STAC: variants seen among roughly 807,000 people sequenced by gnomAD.
STAC encodes the protein SH3 and cysteine-rich domain-containing protein.
Under a neutral mutation model 48.8 loss-of-function variants are expected in STAC, and 43 were observed. The observed-to-expected ratio is 0.88, with a 90% CI of 0.69 to 1.14. The LOEUF (loss-of-function observed/expected upper bound fraction) is 1.14. Among genes scored for constraint, STAC ranks in the 50% most tolerant of loss-of-function variants. The pLI, the probability that STAC is intolerant of heterozygous loss-of-function variation, is 0.00. For missense variants in STAC, 497 were observed against 504.0 expected, an observed-to-expected ratio of 0.99 and a Z score of 0.13; for synonymous variants, 193 against 179.5, an observed-to-expected ratio of 1.07 and a Z score of -0.60.
At chr3:36,488,908 C>A (rs1697888742) in intron 5 of STAC, among the ~76,000 whole-genome samples, 1 of 152,106 alleles carries the variant, frequency 6.6e-6, no homozygotes, top group Admixed American at 6.5e-5. Flanking sequence ...CAACGATGCC[C>A]AAACTCTTAG....
At chr3:36,485,126 C>T (rs1697770209) in intron 4 of STAC, 68 bp downstream of exon 4, 1 of 1,348,378 alleles carries the variant, frequency 7.4e-7, no homozygotes, top group South Asian at 1.4e-5. Flanking sequence ...GGCTACTGTC[C>T]TCCCATGGCT....
At chr3:36,381,792 T>C (rs554851274) in intron 1 of STAC, among the ~76,000 whole-genome samples, 6 of 152,330 alleles carry the variant, frequency 3.9e-5, no homozygotes, top group African/African-American at 7.2e-5. Flanking sequence ...GGTGTGATAC[T>C]GGGCACTGTA....
At chr3:36,435,092 T>C (rs1466088490) in intron 1 of STAC, among the ~76,000 whole-genome samples, 1 of 152,198 alleles carries the variant, frequency 6.6e-6, no homozygotes, top group Non-Finnish European at 1.5e-5. Context: ...TTTTCTGTTT[T>C]CTCATCTGTA....
At chr3:36,449,643 A>C in intron 2 of STAC, among the ~76,000 whole-genome samples, 1 of 152,190 alleles carries the variant, frequency 6.6e-6, no homozygotes, top group Non-Finnish European at 1.5e-5. Context: ...ATTTTAAGAA[A>C]TCTCTCATTG....
intron 1 of STAC, among the ~76,000 whole-genome samples, chr3:36,420,932 A>G (rs980421818): frequency 5.3e-5 from 8 of 152,160 alleles, no homozygotes; most frequent in Non-Finnish European, 1.2e-4. Context: ...CATATTTCCC[A>G]TATTTCCCAA....
intron 1 of STAC, among the ~76,000 whole-genome samples, chr3:36,400,665 G>A (rs182795579): frequency 1.3e-5 from 2 of 152,284 alleles, no homozygotes; most frequent in East Asian, 3.9e-4. Context: ...GATCTGGTAG[G>A]TACTGGGAGA....
intron 8 of STAC, among the ~76,000 whole-genome samples, chr3:36,511,931 A>T (rs1299901737): frequency 6.6e-6 from 1 of 152,154 alleles, no homozygotes; most frequent in East Asian, 1.9e-4. Flanking sequence ...CTCATGGTGG[A>T]TATAATATCT....
intron 1 of STAC, among the ~76,000 whole-genome samples, chr3:36,440,413 G>A (rs191410046): frequency 6.6e-6 from 1 of 152,186 alleles, no homozygotes; most frequent in Non-Finnish European, 1.5e-5. Context: ...ACTCCCTTAT[G>A]CCTGCAGGAC....
chr3:36,407,561 C>A (rs1575179467), intron 1 of STAC, among the ~76,000 whole-genome samples: 1 of 152,174 alleles, frequency 6.6e-6, no homozygotes, highest in African/African-American at 2.4e-5. Flanking sequence ...CCAGAGGCAC[C>A]AGTCACTGCA....
chr3:36,398,708 AAG>A (rs766475021), intron 1 of STAC, among the ~76,000 whole-genome samples: 6 of 151,498 alleles, frequency 4.0e-5, no homozygotes, highest in East Asian at 1.9e-4. Flanking sequence ...GAAAGAAAGA[AAG>A]AGAGAAAGAA....
chr3:36,494,015 G>A (rs1489696020), intron 6 of STAC, among the ~76,000 whole-genome samples: 1 of 151,500 alleles, frequency 6.6e-6, no homozygotes, highest in Non-Finnish European at 1.5e-5. Flanking sequence ...AGCCGGGCGT[G>A]ATGGTGGGCG....
chr3:36,398,146 ACT>A (rs890962521), intron 1 of STAC, among the ~76,000 whole-genome samples: 3 of 151,766 alleles, frequency 2.0e-5, no homozygotes, highest in Non-Finnish European at 4.4e-5. Flanking sequence ...TGGTTCCCAG[ACT>A]CTGGGCAGCA....
intron 2 of STAC, among the ~76,000 whole-genome samples, chr3:36,447,649 C>A (rs547935954): frequency 0.039 from 5,656 of 146,376 alleles, 133 homozygotes; most frequent in Middle Eastern, 0.12. Context: ...TGTATACACA[C>A]CACACACACA....
intron 8 of STAC, among the ~76,000 whole-genome samples, chr3:36,524,190 C>T (rs1463148128): frequency 6.6e-6 from 1 of 152,134 alleles, no homozygotes; most frequent in Admixed American, 6.5e-5. Context: ...AGTACAAGAG[C>T]CCCCATCAAG....
chr3:36,526,174 C>A (rs138243739), intron 8 of STAC, among the ~76,000 whole-genome samples: 249 of 152,106 alleles, frequency 1.6e-3, no homozygotes, highest in African/African-American at 5.6e-3. Flanking sequence ...TTAAAGAGAC[C>A]CGGAATGCAC....
At chr3:36,545,934 C>A (rs185316357) in intron 10 of STAC, among the ~76,000 whole-genome samples, 97 of 152,316 alleles carry the variant, frequency 6.4e-4, no homozygotes, top group East Asian at 1.2e-3. Flanking sequence ...ACTATTAATC[C>A]TCATTTTATT....
chr3:36,474,144 T>TC (rs1410262541), intron 2 of STAC, among the ~76,000 whole-genome samples: 2 of 152,158 alleles, frequency 1.3e-5, no homozygotes, highest in Admixed American at 6.5e-5. Flanking sequence ...GGTACCCACA[T>TC]CCCTACAGCA....
intron 1 of STAC, 130 bp downstream of exon 1, chr3:36,380,884 A>T (rs1699495040): frequency 1.4e-6 from 1 of 691,728 alleles, no homozygotes; most frequent in Non-Finnish European, 2.4e-6. Context: ...GGGCTGTAGG[A>T]CTTGAACGTC....
At chr3:36,521,489 CT>C (rs1357095993) in intron 8 of STAC, among the ~76,000 whole-genome samples, 2 of 152,140 alleles carry the variant, frequency 1.3e-5, no homozygotes, top group Non-Finnish European at 2.9e-5. Flanking sequence ...TAATAGAATA[CT>C]AGGTCCAGCT....
Sources: gnomAD v4.1 joint callset for allele counts (sites outside exome capture counted in the v4.1 genomes callset) on GRCh38, gnomAD v4.1.1 for gene constraint, MANE v1.5 for transcripts, NCBI Gene and HGNC (gene_info 2026-07-23, HGNC 2026-07-21) for gene names.